Variants in TBL1X observed in about 807,000 individuals in gnomAD.
The protein encoded by TBL1X is F-box-like/WD repeat-containing protein TBL1X.
Under a neutral mutation model 50.7 loss-of-function variants are expected in TBL1X, and 10 were observed. That is an observed-to-expected ratio of 0.20 (90% CI 0.12 to 0.33). The LOEUF is 0.33. Among genes scored for constraint, TBL1X ranks in the 10% least tolerant of loss-of-function variants. TBL1X has a pLI of 1.00. For synonymous variants in TBL1X, 190 were observed against 214.7 expected, an observed-to-expected ratio of 0.88 and a Z score of 1.01; for missense variants, 340 against 504.4, an observed-to-expected ratio of 0.67 and a Z score of 3.12.
At chrX:9,604,400 T>TC (rs1270923871) in intron 2 of TBL1X, among the ~76,000 whole-genome samples, 19 of 105,909 alleles carry the variant, frequency 1.8e-4, no homozygotes, top group African/African-American at 6.6e-4. Context: ...TTATTTCACT[T>TC]TCCCCCCCTT....
chrX:9,657,970 C>T (rs769560566), intron 5 of TBL1X, among the ~76,000 whole-genome samples: 10 of 111,580 alleles, frequency 9.0e-5, no homozygotes, highest in African/African-American at 3.3e-4. Context: ...GGGGAGGGAC[C>T]CAGTGGGAAG....
intron 1 of TBL1X, among the ~76,000 whole-genome samples, chrX:9,495,930 G>C (rs535399575): frequency 1.8e-5 from 2 of 112,491 alleles, no homozygotes; most frequent in South Asian, 7.3e-4. Flanking sequence ...CTGCATGTTT[G>C]AGAATGACCA....
chrX:9,653,623 C>G lies in TBL1X; in HGVS notation c.37C>G (p.His13Asp), dbSNP rs2082848549. ...ELAGASSSCC[H>D]RPAGRGAMQS... ...CGCTGGCGCCTCTTCATCGTGCTGCCACCGCCCTGCAGGAAGAGGGGCCAT... is the reference window on the plus strand; with the variant it reads ...CGCTGGCGCCTCTTCATCGTGCTGCGACCGCCCTGCAGGAAGAGGGGCCAT... The change falls in exon 4 of 18, where the codon CAC (histidine) becomes GAC (aspartate). Residue 13 changes from histidine to aspartate, a missense_variant. His to Asp is a moderately conservative substitution (Grantham distance 81, BLOSUM62 -1). Transcript: ENST00000645353. 8.5e-7 allele frequency: 1 copy of G among 1,171,845 alleles called. No individual in the cohort carries two copies. Among genetic ancestry groups the G allele is most frequent in the African/African-American group, 1.8e-5 (1 of 56,142 alleles).
chrX:9,635,008 G>A (rs1364296691), intron 2 of TBL1X, among the ~76,000 whole-genome samples: 1 of 111,255 alleles, frequency 9.0e-6, no homozygotes, highest in Non-Finnish European at 1.9e-5. Flanking sequence ...CCAGCGTGGG[G>A]TCTTTCGAGG....
At chrX:9,481,841 G>A (rs926561374) in intron 1 of TBL1X, among the ~76,000 whole-genome samples, 1 of 112,336 alleles carries the variant, frequency 8.9e-6, no homozygotes, top group African/African-American at 3.2e-5. Context: ...ATTTCTTAGG[G>A]AATAAAGTTG....
intron 1 of TBL1X, among the ~76,000 whole-genome samples, chrX:9,470,970 A>G (rs997306486): frequency 8.9e-6 from 1 of 112,110 alleles, no homozygotes; most frequent in Non-Finnish European, 1.9e-5. Context: ...CCTCACCTTT[A>G]TTGCACAGTC....
Position 9,673,710 on chromosome X carries a change from A to G in TBL1X, c.212-10333A>G, listed in dbSNP as rs1025254383. ...CATGTGCTACGTGATGCTTTCAAATACAGTTGGCCCTCCATATCCTCAGGT... is the reference window on the plus strand; with the variant it reads ...CATGTGCTACGTGATGCTTTCAAATGCAGTTGGCCCTCCATATCCTCAGGT... On this transcript the variant is annotated intron_variant, in intron 5 of 17. Coordinates refer to ENST00000645353, the MANE Select transcript of TBL1X (RefSeq NM_005647.4). 2.5e-4 allele frequency among the ~76,000 whole-genome samples: 28 copies of G among 112,572 alleles called. No individual in the cohort carries two copies. In the Admixed American group the frequency reaches 2.6e-3, roughly 11 times the overall value.
intron 2 of TBL1X, among the ~76,000 whole-genome samples, chrX:9,584,376 G>A (rs1454510453): frequency 1.8e-5 from 2 of 112,456 alleles, no homozygotes; most frequent in African/African-American, 3.2e-5. Context: ...GCATAATTCT[G>A]TATATGGAAT....
At chrX:9,630,800 T>G (rs957436949) in intron 2 of TBL1X, among the ~76,000 whole-genome samples, 67 of 111,426 alleles carry the variant, frequency 6.0e-4, no homozygotes, top group African/African-American at 2.1e-3. Flanking sequence ...GGTCTCGAAC[T>G]CCTGGCCTCA....
chrX:9,540,590 G>T (rs2082209621), intron 2 of TBL1X, among the ~76,000 whole-genome samples: 1 of 112,768 alleles, frequency 8.9e-6, no homozygotes, highest in Admixed American at 9.4e-5. Context: ...GGGAAGTGAT[G>T]CCAAAGGCAA....
At chrX:9,625,290 C>T (rs2082686837) in intron 2 of TBL1X, among the ~76,000 whole-genome samples, 1 of 112,109 alleles carries the variant, frequency 8.9e-6, no homozygotes, top group South Asian at 3.7e-4. Flanking sequence ...TGTAGCTGTT[C>T]CCACTGTGTG....
intron 1 of TBL1X, among the ~76,000 whole-genome samples, chrX:9,488,973 A>T (rs1340027513): frequency 2.7e-5 from 3 of 111,147 alleles, no homozygotes; most frequent in Non-Finnish European, 5.7e-5. Flanking sequence ...GGTTTGAGCC[A>T]CCATGCTTGC....
At chrX:9,545,636 A>G (rs1193890744) in intron 2 of TBL1X, among the ~76,000 whole-genome samples, 1 of 109,973 alleles carries the variant, frequency 9.1e-6, no homozygotes, top group Non-Finnish European at 1.9e-5. Flanking sequence ...GTTTTCTCTC[A>G]TTACTCTAAG....
intron 2 of TBL1X, among the ~76,000 whole-genome samples, chrX:9,519,331 C>T (rs1029842168): frequency 5.4e-5 from 6 of 111,442 alleles, no homozygotes; most frequent in African/African-American, 2.0e-4. Flanking sequence ...ACTGCAGCCT[C>T]GATCTCCTGG....
chrX:9,558,795 G>A (rs2082312244), intron 2 of TBL1X, among the ~76,000 whole-genome samples: 1 of 111,625 alleles, frequency 9.0e-6, no homozygotes, highest in Non-Finnish European at 1.9e-5. Flanking sequence ...GGGACTCTGA[G>A]AGCTCTAAGA....
At chrX:9,473,990 A>G (rs2081833780) in intron 1 of TBL1X, among the ~76,000 whole-genome samples, 1 of 112,408 alleles carries the variant, frequency 8.9e-6, no homozygotes, top group Admixed American at 9.4e-5. Flanking sequence ...AATTCCTTTA[A>G]GCCAGTAGTC....
intron 2 of TBL1X, among the ~76,000 whole-genome samples, chrX:9,633,804 T>C (rs751020321): frequency 1.8e-5 from 2 of 111,649 alleles, no homozygotes; most frequent in Non-Finnish European, 3.8e-5. Flanking sequence ...TTTCAGCATG[T>C]GGAGATGTCT....
intron 1 of TBL1X, among the ~76,000 whole-genome samples, chrX:9,473,388 A>T (rs1447080286): frequency 8.9e-6 from 1 of 112,030 alleles, no homozygotes; most frequent in Non-Finnish European, 1.9e-5. Flanking sequence ...TCAAAATTAT[A>T]AACTTGAAAA....
At chrX:9,524,328 G>A (rs763545808) in intron 2 of TBL1X, among the ~76,000 whole-genome samples, 1 of 111,695 alleles carries the variant, frequency 9.0e-6, no homozygotes, top group Admixed American at 9.5e-5. Flanking sequence ...ACTCTGCACA[G>A]CCAACCTCCA....
Sources: allele counts gnomAD v4.1 joint callset (sites outside exome capture counted in the v4.1 genomes callset), GRCh38; gene constraint gnomAD v4.1.1; transcripts MANE v1.5; gene names NCBI Gene and HGNC (gene_info 2026-07-23, HGNC 2026-07-21).